Variants in KHDRBS1 observed in about 807,000 individuals in gnomAD.
KHDRBS1 encodes KH domain-containing, RNA-binding, signal transduction-associated protein 1.
Under a neutral mutation model 48.4 loss-of-function variants are expected in KHDRBS1, and 7 were observed. That is an observed-to-expected ratio of 0.14 (90% confidence interval 0.08 to 0.27). The LOEUF is 0.27. Among genes scored for constraint, KHDRBS1 ranks in the 10% least tolerant of loss-of-function variants. KHDRBS1 has a pLI of 1.00. For synonymous variants in KHDRBS1, 241 were observed against 235.8 expected, an observed-to-expected ratio of 1.02 and a Z score of -0.20; for missense variants, 458 against 601.2, an observed-to-expected ratio of 0.76 and a Z score of 2.49.
At chr1:32,060,737 AC>A (rs1002396476) in exon 11 of KHDRBS1, 1 of 152,168 alleles carries the variant, frequency 6.6e-6, no homozygotes, top group Admixed American at 6.5e-5. Context: ...TTTATTACTT[AC>A]CTTGTCCAAA....
intron 1 of KHDRBS1, among the ~76,000 whole-genome samples, chr1:32,023,007 G>T (rs943431442): frequency 6.6e-6 from 1 of 151,848 alleles, no homozygotes; most frequent in Non-Finnish European, 1.5e-5. Flanking sequence ...CTTTTTTTGT[G>T]TGAGTTACAT....
chr1:32,039,065 G>A (rs1259011025), intron 7 of KHDRBS1, among the ~76,000 whole-genome samples: 1 of 152,088 alleles, frequency 6.6e-6, no homozygotes, highest in Non-Finnish European at 1.5e-5. Context: ...AATTTTACAA[G>A]AAACTTGAAT....
chr1:32,053,908 C>A (rs936631340), intron 10 of KHDRBS1, among the ~76,000 whole-genome samples: 2 of 152,016 alleles, frequency 1.3e-5, no homozygotes, highest in African/African-American at 4.8e-5. Flanking sequence ...CATGGAGAAA[C>A]CCCGTCTCTA....
intron 1 of KHDRBS1, among the ~76,000 whole-genome samples, chr1:32,020,133 G>C (rs984317818): frequency 1.8e-4 from 27 of 151,920 alleles, no homozygotes; most frequent in Non-Finnish European, 3.8e-4. Flanking sequence ...TTATTGGCTG[G>C]GCATGGTGGC....
intron 1 of KHDRBS1, among the ~76,000 whole-genome samples, chr1:32,023,634 G>C (rs1638903913): frequency 6.6e-6 from 1 of 152,192 alleles, no homozygotes; most frequent in South Asian, 2.1e-4. Context: ...TGTCTAGAAA[G>C]TACTTTTGCC....
intron 1 of KHDRBS1, among the ~76,000 whole-genome samples, chr1:32,023,929 C>T (rs935126701): frequency 1.3e-5 from 2 of 152,176 alleles, no homozygotes; most frequent in African/African-American, 2.4e-5. Flanking sequence ...AACACACACT[C>T]ATCAAGAGAC....
chr1:32,033,443 C>T, intron 4 of KHDRBS1, 109 bp downstream of exon 4: 1 of 1,390,610 alleles, frequency 7.2e-7, no homozygotes, highest in Non-Finnish European at 9.8e-7. Context: ...TGTATGTATA[C>T]CAAATTCTGC....
intron 7 of KHDRBS1, among the ~76,000 whole-genome samples, chr1:32,039,270 T>A (rs1639239387): frequency 6.6e-6 from 1 of 152,216 alleles, no homozygotes; most frequent in Non-Finnish European, 1.5e-5. Flanking sequence ...AAGGGTCAAT[T>A]TAGGATTGTG....
chr1:32,055,847 A>G (rs989329617), intron 10 of KHDRBS1, among the ~76,000 whole-genome samples: 1 of 152,086 alleles, frequency 6.6e-6, no homozygotes, highest in African/African-American at 2.4e-5. Context: ...AAGAATGTTC[A>G]CGGACCTCTA....
chr1:32,024,282 G>T (rs999986286), intron 1 of KHDRBS1, among the ~76,000 whole-genome samples: 3 of 150,424 alleles, frequency 2.0e-5, no homozygotes, highest in African/African-American at 7.5e-5. Flanking sequence ...AGGCCTAAAG[G>T]CCTGAGTTTG....
intron 4 of KHDRBS1, 28 bp downstream of exon 4, chr1:32,033,362 T>C (rs765883732): frequency 1.2e-6 from 2 of 1,610,800 alleles, no homozygotes; most frequent in East Asian, 4.5e-5. Flanking sequence ...CTGTGTCTTC[T>C]GAGCAAAAGA....
rs573768521 is a variant in KHDRBS1 at position 32,059,561 on chromosome 1, G to T, written n.1302-602G>T. Among the ~76,000 whole-genome samples the T allele has an allele frequency of 3.3e-4, 50 of 151,498 alleles. No individual in the cohort carries two copies. In the South Asian group the frequency reaches 0.01, roughly 31 times the overall value. ...TCTTTAAAAAAAAAAAAAAGAAGAA[G>T]AAGAAGAAGGAGCATTGCTATAGGT... On this transcript the variant is annotated intron_variant and non_coding_transcript_variant, in intron 10 of 10. Transcript: ENST00000484270.
chr1:32,053,321 A>C (rs986843284), intron 10 of KHDRBS1, among the ~76,000 whole-genome samples: 1 of 152,240 alleles, frequency 6.6e-6, no homozygotes, highest in Non-Finnish European at 1.5e-5. Flanking sequence ...AGGATAATCA[A>C]AATTTGCCAG....
intron 10 of KHDRBS1, among the ~76,000 whole-genome samples, chr1:32,053,857 C>T (rs181314022): frequency 2.6e-5 from 4 of 152,032 alleles, no homozygotes; most frequent in Non-Finnish European, 4.4e-5. Flanking sequence ...CCGAGGTGGG[C>T]GGATCACTTG....
chr1:32,025,730 C>G (rs879679397), intron 1 of KHDRBS1, among the ~76,000 whole-genome samples: 10 of 118,238 alleles, frequency 8.5e-5, no homozygotes, highest in Non-Finnish European at 1.4e-4. Context: ...TCCCTCCCTT[C>G]CCTCCTTCCT....
chr1:32,045,525 T>C (rs1188263238), downstream of KHDRBS1: 1 of 152,558 alleles, frequency 6.6e-6, no homozygotes, highest in Admixed American at 6.5e-5. Context: ...ATTTACGACA[T>C]GACCACACTT....
chr1:32,059,866 C>G (rs1191973486), intron 10 of KHDRBS1, among the ~76,000 whole-genome samples: 1 of 152,122 alleles, frequency 6.6e-6, no homozygotes, highest in African/African-American at 2.4e-5. Context: ...GATAGGCCCC[C>G]CAAAGGTTTT....
At chr1:32,056,003 C>G (rs1033570487) in intron 10 of KHDRBS1, among the ~76,000 whole-genome samples, 2 of 152,072 alleles carry the variant, frequency 1.3e-5, no homozygotes, top group African/African-American at 4.8e-5. Flanking sequence ...TTTCTGCTTT[C>G]GTATACAGCT....
chr1:32,025,421 C>T (rs1557891799), intron 1 of KHDRBS1, among the ~76,000 whole-genome samples: 1 of 150,714 alleles, frequency 6.6e-6, no homozygotes, highest in South Asian at 2.1e-4. Context: ...CTGTCTCAGC[C>T]TCCCAAACAG....
Sources: allele counts gnomAD v4.1 joint callset (sites outside exome capture counted in the v4.1 genomes callset), GRCh38; gene constraint gnomAD v4.1.1; transcripts MANE v1.5; gene names NCBI Gene and HGNC (gene_info 2026-07-23, HGNC 2026-07-21).